The following TMEM178A variants were observed in gnomAD, a reference collection of about 807,000 sequenced individuals.
The protein encoded by TMEM178A is transmembrane protein 178.
A neutral mutation model predicts 29.1 loss-of-function variants in TMEM178A; 12 were observed. That is an observed-to-expected ratio of 0.41 (90% CI 0.26 to 0.67). TMEM178A has a LOEUF of 0.67. Among genes scored for constraint, TMEM178A ranks in the 30% least tolerant of loss-of-function variants. TMEM178A has a pLI of 0.29. For synonymous variants in TMEM178A, 210 were observed against 187.2 expected (o/e 1.12, Z -0.99); for missense variants, 366 against 419.1 (o/e 0.87, Z 1.11).
intron 1 of TMEM178A, among the ~76,000 whole-genome samples, chr2:39,698,708 T>G (rs1045605131): frequency 3.3e-5 from 5 of 152,026 alleles, no homozygotes; most frequent in African/African-American, 4.8e-5. Context: ...ATTTTTTTTT[T>G]TTGTTTTGAA....
At chr2:39,734,164 A>G in the TMEM178A span, among the ~76,000 whole-genome samples, 3,580 of 152,270 alleles carry the variant, frequency 0.024, 132 homozygotes, top group African/African-American at 0.081. Context: ...AGCTCACTGC[A>G]GTCTGGTTTT....
At chr2:39,724,448 A>G in the TMEM178A span, among the ~76,000 whole-genome samples, 3 of 152,210 alleles carry the variant, frequency 2.0e-5, no homozygotes, top group Admixed American at 6.5e-5. Flanking sequence ...GAACACCTCT[A>G]CAAACTTTTA....
chr2:39,716,303 A>G (rs901888429), intron 3 of TMEM178A, among the ~76,000 whole-genome samples: 1 of 152,212 alleles, frequency 6.6e-6, no homozygotes, highest in African/African-American at 2.4e-5. Context: ...TCCTGATTTT[A>G]GTGTTGCAGA....
chr2:39,702,551 G>C (rs909173138), intron 1 of TMEM178A, among the ~76,000 whole-genome samples: 1 of 151,766 alleles, frequency 6.6e-6, no homozygotes, highest in Non-Finnish European at 1.5e-5. Context: ...ATACTATATT[G>C]TTTTCCCTTT....
At chr2:39,708,568 G>A (rs900620132) in intron 3 of TMEM178A, among the ~76,000 whole-genome samples, 6 of 150,738 alleles carry the variant, frequency 4.0e-5, no homozygotes, top group African/African-American at 9.8e-5. Context: ...ACAGGCGCGC[G>A]CCACCATGCC....
At chr2:39,730,019 G>A in the TMEM178A span, among the ~76,000 whole-genome samples, 2 of 151,246 alleles carry the variant, frequency 1.3e-5, no homozygotes, top group Non-Finnish European at 2.9e-5. Flanking sequence ...TCGGGTCTTG[G>A]TAAGAACCTA....
intron 1 of TMEM178A, among the ~76,000 whole-genome samples, chr2:39,670,317 A>G (rs896888561): frequency 2.6e-5 from 4 of 152,208 alleles, no homozygotes; most frequent in African/African-American, 9.7e-5. Context: ...CCATTTATTC[A>G]CTCAACAAAT....
At chr2:39,709,315 G>A (rs1169384818) in intron 3 of TMEM178A, among the ~76,000 whole-genome samples, 1 of 152,228 alleles carries the variant, frequency 6.6e-6, no homozygotes, top group Non-Finnish European at 1.5e-5. Flanking sequence ...CAGTGATCTG[G>A]AATGTGGGGC....
At chr2:39,676,590 G>T (rs1369859305) in intron 1 of TMEM178A, among the ~76,000 whole-genome samples, 1 of 152,230 alleles carries the variant, frequency 6.6e-6, no homozygotes, top group African/African-American at 2.4e-5. Flanking sequence ...AATGGACCAT[G>T]ATTTTCTTAG....
intron 3 of TMEM178A, among the ~76,000 whole-genome samples, chr2:39,714,662 G>A (rs1672458822): frequency 6.6e-6 from 1 of 152,194 alleles, no homozygotes; most frequent in South Asian, 2.1e-4. Flanking sequence ...AGAGCAGAGA[G>A]AAATCATTCT....
Position 39,717,264 on chromosome 2 carries a change from G to C in TMEM178A, c.*13G>C. ...CTCCACGGTATGACTGTCCTCACTG[G>C]GCCTGTCCACAGTGCGAGCGACTCC... On this transcript the variant is annotated 3_prime_UTR_variant, in exon 4 of 4. Coordinates refer to ENST00000281961, the MANE Select transcript of TMEM178A (RefSeq NM_152390.3). 6.2e-7 allele frequency: 1 copy of C among 1,612,438 alleles called. No individual in the cohort carries two copies. Among genetic ancestry groups the C allele is most frequent in the Non-Finnish European group, 8.5e-7 (1 of 1,179,330 alleles).
At chr2:39,693,670 G>T (rs935256706) in intron 1 of TMEM178A, among the ~76,000 whole-genome samples, 2 of 152,128 alleles carry the variant, frequency 1.3e-5, no homozygotes, top group Non-Finnish European at 2.9e-5. Context: ...AGAATCCTCT[G>T]TAAGCCACAT....
At chr2:39,697,822 C>G (rs1453742259) in intron 1 of TMEM178A, 1 of 152,298 alleles carries the variant, frequency 6.6e-6, no homozygotes, top group Admixed American at 6.5e-5. Context: ...ATTACAAGCA[C>G]GGAACAGAGG....
Position 39,666,126 on chromosome 2 carries a change from A to AC in TMEM178A, c.158dup (p.Asp54GlyfsTer105). The AC allele has an allele frequency of 3.9e-6, 6 of 1,536,324 alleles. No homozygotes were observed. The highest frequency in any genetic ancestry group is 5.4e-5 in the East Asian group (2 of 36,820). On this transcript the variant is annotated frameshift_variant, in exon 1 of 4. Coordinates refer to ENST00000281961, the MANE Select transcript of TMEM178A (RefSeq NM_152390.3). LOFTEE classifies it high-confidence loss of function. The stretch of plus-strand genomic sequence containing the variant: ...TGCGAGCGCAGCCGCGCGGGCGCCG[A>AC]CCCCCCGGACCAGAAGAACCGCCTG...
At chr2:39,693,104 A>C (rs894948490) in intron 1 of TMEM178A, among the ~76,000 whole-genome samples, 1 of 152,156 alleles carries the variant, frequency 6.6e-6, no homozygotes, top group African/African-American at 2.4e-5. Flanking sequence ...ATAGAGCGAG[A>C]CTCTGTTTCA....
chr2:39,706,505 G>T (rs1010951299), intron 2 of TMEM178A, among the ~76,000 whole-genome samples: 4 of 152,224 alleles, frequency 2.6e-5, no homozygotes, highest in African/African-American at 9.7e-5. Context: ...TGTAAATGAA[G>T]AAGTAAATAA....
chr2:39,675,241 A>G (rs770185208), intron 1 of TMEM178A, among the ~76,000 whole-genome samples: 12 of 152,192 alleles, frequency 7.9e-5, no homozygotes, highest in Non-Finnish European at 1.6e-4. Context: ...TTGGGGGTAT[A>G]TGGTGAGCTG....
intron 3 of TMEM178A, among the ~76,000 whole-genome samples, chr2:39,709,145 GCTGA>G (rs901075498): frequency 6.6e-4 from 100 of 152,362 alleles, no homozygotes; most frequent in African/African-American, 2.4e-3. Flanking sequence ...GACACTGTTT[GCTGA>G]CTGTCTGTCT....
At chr2:39,706,646 T>A (rs984524525) in intron 2 of TMEM178A, among the ~76,000 whole-genome samples, 4 of 152,198 alleles carry the variant, frequency 2.6e-5, no homozygotes, top group Admixed American at 2.6e-4. Flanking sequence ...CTTTTAAAAT[T>A]TCAATAGTTT....
Sources: allele counts gnomAD v4.1 joint callset (sites outside exome capture counted in the v4.1 genomes callset), GRCh38; gene constraint gnomAD v4.1.1; transcripts MANE v1.5; gene names NCBI Gene and HGNC (gene_info 2026-07-23, HGNC 2026-07-21).